Variants in CCNJ observed in about 807,000 individuals in gnomAD.
CCNJ encodes cyclin-J.
A neutral mutation model predicts 41.4 loss-of-function variants in CCNJ; 12 were observed. The ratio of observed to expected loss-of-function variants is 0.29; its 90% CI spans 0.19 to 0.47. CCNJ has a LOEUF of 0.47. Among genes scored for constraint, CCNJ ranks in the 20% least tolerant of loss-of-function variants. The pLI is 1.00. For missense variants in CCNJ, 340 were observed against 464.6 expected, an observed-to-expected ratio of 0.73 and a Z score of 2.47; for synonymous variants, 161 against 173.4, an observed-to-expected ratio of 0.93 and a Z score of 0.56.
intron 3 of CCNJ, among the ~76,000 whole-genome samples, chr10:96,050,860 A>G (rs1367864337): frequency 6.6e-6 from 1 of 152,222 alleles, no homozygotes; most frequent in Non-Finnish European, 1.5e-5. Flanking sequence ...ACACTTGGCA[A>G]CGTGTACAGA....
intron 3 of CCNJ, among the ~76,000 whole-genome samples, chr10:96,054,275 CTG>C (rs1488137696): frequency 1.3e-5 from 2 of 152,104 alleles, no homozygotes; most frequent in African/African-American, 4.8e-5. Flanking sequence ...TCTTTGTGAA[CTG>C]TGTGTGGTAA....
chr10:96,046,884 C>A (rs905334678), intron 2 of CCNJ, among the ~76,000 whole-genome samples: 6 of 152,146 alleles, frequency 3.9e-5, no homozygotes. Context: ...TTTTTAGGAG[C>A]CTTAATGACA....
chr10:96,043,842 C>T (rs1194666827), intron 1 of CCNJ, 123 bp downstream of exon 1: 1 of 382,374 alleles, frequency 2.6e-6, no homozygotes, highest in Non-Finnish European at 4.6e-6. Context: ...TTTCTGAGGC[C>T]GCGCGGAACG....
chr10:96,051,336 T>C (rs907907845), intron 3 of CCNJ, among the ~76,000 whole-genome samples: 1 of 152,240 alleles, frequency 6.6e-6, no homozygotes, highest in Non-Finnish European at 1.5e-5. Flanking sequence ...TGTGTTTTTT[T>C]TTCTTTTAAT....
chr10:96,044,569 G>C, intron 2 of CCNJ, 107 bp downstream of exon 2: 1 of 824,066 alleles, frequency 1.2e-6, no homozygotes, highest in Non-Finnish European at 1.7e-6. Flanking sequence ...CTATCTTCCG[G>C]GCCAGAAAAG....
chr10:96,046,992 C>T (rs2080382234), intron 2 of CCNJ, among the ~76,000 whole-genome samples: 1 of 152,150 alleles, frequency 6.6e-6, no homozygotes, highest in African/African-American at 2.4e-5. Flanking sequence ...CATGTTCAGG[C>T]CACTTTTTGG....
intron 5 of CCNJ, 151 bp downstream of exon 5, chr10:96,057,398 G>C: frequency 1.5e-6 from 1 of 670,306 alleles, no homozygotes; most frequent in African/African-American, 1.8e-5. Flanking sequence ...GCCCATGTAT[G>C]AGCAGAACTC....
At chr10:96,043,758 C>T (rs2080277567) in intron 1 of CCNJ, 39 bp downstream of exon 1, 1 of 387,742 alleles carries the variant, frequency 2.6e-6, no homozygotes, top group African/African-American at 2.1e-5. Flanking sequence ...CCCGGCAGGC[C>T]TGGGGTAGGC....
chr10:96,054,854 A>G (rs1220613264), intron 3 of CCNJ, among the ~76,000 whole-genome samples: 1 of 152,224 alleles, frequency 6.6e-6, no homozygotes, highest in Non-Finnish European at 1.5e-5. Flanking sequence ...AACTTTAAGC[A>G]TAATATAAAT....
rs149060787 is a variant in CCNJ, at chr10:96,057,945, C to G, written c.856C>G (p.Gln286Glu). The G allele has an allele frequency of 6.2e-7, 1 of 1,614,096 alleles. No homozygotes were observed. The highest frequency in any genetic ancestry group is 1.3e-5 in the African/African-American group (1 of 74,924). ...CCAGCCATCACGGCCAGTTCACTTT[C>G]AGCAACCTCAGTATCTCCATCAGAC... The part of the protein sequence containing the change: ...ASQPSRPVHF[Q>E]QPQYLHQTHQ... Residue 286 changes from glutamine to glutamate, a missense_variant, in exon 6 of 6, where the codon CAG becomes GAG. Coordinates refer to ENST00000465148, the MANE Select transcript of CCNJ (RefSeq NM_001134375.2).
chr10:96,050,432 G>C lies in CCNJ; in HGVS notation c.246G>C (p.Leu82=). 6.2e-7 allele frequency: 1 copy of C among 1,614,080 alleles called. No homozygotes were observed. Among genetic ancestry groups the C allele is most frequent in the Non-Finnish European group, 8.5e-7 (1 of 1,179,952 alleles). ...MDRYDISIQQ[L]HLVALSCLLL... ...GCTATGACATCTCTATCCAGCAGCT[G>C]CATTTAGTTGCGCTTTCCTGCCTGC... Residue 82 remains leucine, a synonymous_variant, in exon 3 of 6, where the codon CTG becomes CTC. Coordinates refer to ENST00000465148, the MANE Select transcript of CCNJ (RefSeq NM_001134375.2).
At chr10:96,048,259 C>G (rs1324028642) in intron 2 of CCNJ, among the ~76,000 whole-genome samples, 1 of 152,080 alleles carries the variant, frequency 6.6e-6, no homozygotes, top group African/African-American at 2.4e-5. Flanking sequence ...ATGCATGTGT[C>G]TTTATAGTAG....
In CCNJ at chr10:96,057,188, A is replaced by G. The variant is rs1303293464; in HGVS notation, c.681A>G (p.Leu227=). The G allele has an allele frequency of 6.2e-7, 1 of 1,614,028 alleles. No individual in the cohort carries two copies. Among genetic ancestry groups the G allele is most frequent in the Non-Finnish European group, 8.5e-7 (1 of 1,179,846 alleles). The stretch of plus-strand genomic sequence containing the variant: ...TTTCTCCAACGTGGCCTACAAGACT[A>G]CATCGTCTTACTGCCTACTCTTGGG... ...LRLSPTWPTR[L]HRLTAYSWDF... is the part of the protein sequence containing the mutation. The change falls in exon 5 of 6, where the codon CTA becomes CTG. Residue 227 remains leucine (L), a synonymous_variant. Coordinates refer to ENST00000465148, the MANE Select transcript of CCNJ (RefSeq NM_001134375.2).
chr10:96,050,129 T>TA (rs1276111332), intron 2 of CCNJ, 127 bp from the exon 3 acceptor site: 1 of 704,198 alleles, frequency 1.4e-6, no homozygotes, highest in African/African-American at 1.8e-5. Context: ...ATTTTTGTAT[T>TA]CCAGTCAAGA....
chr10:96,043,686 G>A lies in CCNJ; in HGVS notation c.-75G>A, dbSNP rs2080275421. On this transcript the variant is annotated 5_prime_UTR_variant, in exon 1 of 6. Transcript: ENST00000465148. ...GCGGGGCCGGCGTCCGCCGCACGAC[G>A]GCGGGGCTGGGGCTGTGAGGGCCGC... The A allele has an allele frequency of 7.6e-6, 3 of 393,480 alleles. No homozygotes were observed. The highest frequency in any genetic ancestry group is 4.1e-5 in the African/African-American group (2 of 48,456). The allele number at this position is 393,480 out of a possible 1,614,324, so 24.4% of individuals were successfully genotyped here. A position where few individuals can be genotyped will look rare whatever the true frequency, so the allele number is the denominator to read the frequency against.
chr10:96,057,049 G>C lies in CCNJ; in HGVS notation c.581-39G>C, dbSNP rs750048945. On this transcript the variant is annotated intron_variant, in intron 4 of 5. Transcript: ENST00000465148. ...AGTGACTTGTGCACTTGTGACTCGT[G>C]TATTCTGTTCCTTAAGTTCATTTTT... 5.0e-6 allele frequency: 8 copies of C among 1,613,534 alleles called. No individual in the cohort carries two copies. In the South Asian group the frequency reaches 8.8e-5, roughly 18 times the overall value.
intron 3 of CCNJ, 110 bp downstream of exon 3, chr10:96,050,576 C>T: frequency 1.3e-6 from 1 of 770,592 alleles, no homozygotes; most frequent in South Asian, 1.8e-5. Context: ...TTCCAGTTCA[C>T]TAGTATCAAG....
chr10:96,048,841 T>C (rs1332621179), intron 2 of CCNJ, among the ~76,000 whole-genome samples: 1 of 152,248 alleles, frequency 6.6e-6, no homozygotes, highest in Non-Finnish European at 1.5e-5. Context: ...TTTGCATTGT[T>C]TCCACCTTTT....
chr10:96,054,001 C>A (rs2080606966), intron 3 of CCNJ, among the ~76,000 whole-genome samples: 2 of 152,152 alleles, frequency 1.3e-5, no homozygotes, highest in South Asian at 4.1e-4. Flanking sequence ...TCGGTGACAT[C>A]TGATCCGTGC....
Sources: gnomAD v4.1 joint callset for allele counts (sites outside exome capture counted in the v4.1 genomes callset) on GRCh38, gnomAD v4.1.1 for gene constraint, MANE v1.5 for transcripts, NCBI Gene and HGNC (gene_info 2026-07-23, HGNC 2026-07-21) for gene names.